Variants in RSPO3 observed in about 807,000 individuals in gnomAD.
RSPO3 encodes the protein R-spondin 3.
RSPO3 carries 17 observed loss-of-function variants against 36.5 expected under a neutral mutation model. That is an observed-to-expected ratio of 0.47 (90% CI 0.32 to 0.70). The LOEUF (loss-of-function observed/expected upper bound fraction) is 0.70, where lower values mean the gene tolerates loss of function less well. RSPO3 is among the 30% of genes least tolerant of loss of function. The pLI is 0.04. For missense variants in RSPO3, 294 were observed against 322.5 expected (o/e 0.91, Z 0.68); for synonymous variants, 108 against 107.0 (o/e 1.01, Z -0.06).
At chr6:127,176,691 T>C (rs1251359432) in intron 4 of RSPO3, among the ~76,000 whole-genome samples, 1 of 151,724 alleles carries the variant, frequency 6.6e-6, no homozygotes, top group Non-Finnish European at 1.5e-5. Flanking sequence ...GTTTGAACAA[T>C]GAAAAAGCTC....
chr6:127,171,214 C>T (rs540722658), intron 4 of RSPO3, among the ~76,000 whole-genome samples: 17 of 151,824 alleles, frequency 1.1e-4, no homozygotes, highest in African/African-American at 3.9e-4. Context: ...ATTTGACATT[C>T]CTGTGGACTT....
chr6:127,156,104 A>AG, intron 4 of RSPO3, among the ~76,000 whole-genome samples: 1 of 152,226 alleles, frequency 6.6e-6, no homozygotes, highest in East Asian at 1.9e-4. Flanking sequence ...GAAATGACCA[A>AG]GACCACATTT....
chr6:127,141,591 A>G (rs1774270720), intron 1 of RSPO3, among the ~76,000 whole-genome samples: 1 of 152,200 alleles, frequency 6.6e-6, no homozygotes. Context: ...GTTTCCCCAC[A>G]TAATAATAAT....
intron 4 of RSPO3, among the ~76,000 whole-genome samples, chr6:127,169,835 T>G (rs569272511): frequency 3.2e-4 from 45 of 142,510 alleles, no homozygotes; most frequent in South Asian, 1.9e-3. Context: ...ATACTAACTG[T>G]GCTTACTTGC....
At chr6:127,173,510 T>C (rs1048060322) in intron 4 of RSPO3, among the ~76,000 whole-genome samples, 1 of 151,870 alleles carries the variant, frequency 6.6e-6, no homozygotes, top group Admixed American at 6.6e-5. Context: ...CCAATTCCTA[T>C]AAAATAATAT....
At chr6:127,141,170 G>T (rs1185012171) in intron 1 of RSPO3, among the ~76,000 whole-genome samples, 1 of 152,124 alleles carries the variant, frequency 6.6e-6, no homozygotes, top group Non-Finnish European at 1.5e-5. Context: ...TGAAATTTTT[G>T]TTGAAAACCT....
In RSPO3 at chr6:127,141,663, A is replaced by G. The variant is rs961914553; in HGVS notation, c.98-6985A>G. Among the ~76,000 whole-genome samples, 5 of 152,324 alleles carry G rather than the reference A, an allele frequency of 3.3e-5. No individual in the cohort carries two copies. In the Middle Eastern group the frequency reaches 0.01, roughly 311 times the overall value. ...GAAGACATTCCTCTCTGAGACTCTT[A>G]GGAATTCTGTCAACCTCTGGTGTAG... On this transcript the variant is annotated intron_variant, in intron 1 of 4. Transcript: ENST00000356698.
At chr6:127,195,233 AT>A (rs964973576) in intron 4 of RSPO3, among the ~76,000 whole-genome samples, 2 of 152,186 alleles carry the variant, frequency 1.3e-5, no homozygotes, top group Non-Finnish European at 2.9e-5. Flanking sequence ...CAGTGGCGCT[AT>A]CAGGGCTCAC....
intron 4 of RSPO3, among the ~76,000 whole-genome samples, chr6:127,173,657 C>T (rs1774987958): frequency 6.6e-6 from 1 of 151,866 alleles, no homozygotes; most frequent in Non-Finnish European, 1.5e-5. Context: ...AAACTTCCCA[C>T]CCCAGGAGGC....
At chr6:127,140,903 C>T (rs1199979366) in intron 1 of RSPO3, among the ~76,000 whole-genome samples, 4 of 152,136 alleles carry the variant, frequency 2.6e-5, no homozygotes, top group Admixed American at 6.5e-5. Flanking sequence ...TACATAATGA[C>T]TCCTCCTTAT....
chr6:127,119,403 G>C (rs1773788735), intron 1 of RSPO3, 114 bp downstream of exon 1: 2 of 760,490 alleles, frequency 2.6e-6, no homozygotes, highest in Non-Finnish European at 4.5e-6. Context: ...CCTGCGCCTC[G>C]CAGAGGAGAT....
chr6:127,155,597 TG>T (rs1409581220), intron 4 of RSPO3, among the ~76,000 whole-genome samples, 159 bp downstream of exon 4: 1 of 152,136 alleles, frequency 6.6e-6, no homozygotes. Flanking sequence ...AGAATATAGA[TG>T]TGGTAATTCC....
At chr6:127,134,855 C>T (rs1774122439) in intron 1 of RSPO3, among the ~76,000 whole-genome samples, 1 of 152,090 alleles carries the variant, frequency 6.6e-6, no homozygotes, top group Admixed American at 6.5e-5. Context: ...ATGACATAGT[C>T]AGAGATGGTA....
chr6:127,174,886 T>A (rs1775018785), intron 4 of RSPO3, among the ~76,000 whole-genome samples: 1 of 151,762 alleles, frequency 6.6e-6, no homozygotes, highest in South Asian at 2.1e-4. Flanking sequence ...AGAAAGAGTG[T>A]TTAGGTTGAT....
chr6:127,120,703 A>G (rs934140987), intron 1 of RSPO3, among the ~76,000 whole-genome samples: 4 of 152,146 alleles, frequency 2.6e-5, no homozygotes, highest in African/African-American at 9.7e-5. Flanking sequence ...GGTTTGATTC[A>G]CCTGAAAATT....
intron 4 of RSPO3, among the ~76,000 whole-genome samples, chr6:127,176,856 C>CT (rs772449178): frequency 2.6e-5 from 4 of 151,826 alleles, no homozygotes; most frequent in Admixed American, 1.3e-4. Flanking sequence ...GAAGCTGAAT[C>CT]TTTATACCCT....
chr6:127,173,023 GTTCA>G lies in RSPO3; in HGVS notation c.634+17586_634+17589del, dbSNP rs139290598. 2.0e-3 allele frequency among the ~76,000 whole-genome samples: 303 copies of G among 151,808 alleles called. 1 individual carries two copies. Among genetic ancestry groups the G allele is most frequent in the African/African-American group, 6.9e-3 (287 of 41,464 alleles). ...GTCTTTTTCAACACTTTTGCCCTGT[GTTCA>G]AGAGGATCATTTATTTCTAATCATC... On this transcript the variant is annotated intron_variant, in intron 4 of 4. Transcript: ENST00000356698.
rs1190934164 is a variant in RSPO3 at position 127,119,139 on chromosome 6, T to A, written c.-54T>A. On this transcript the variant is annotated 5_prime_UTR_variant, in exon 1 of 5. Transcript: ENST00000356698. ...ACATATATTTTAAAAACATTAAATA[T>A]AATTAACAATCAAAAGAAAGAGGAG... 1 of 1,328,080 alleles carries A rather than the reference T, an allele frequency of 7.5e-7. No homozygotes were observed. Among genetic ancestry groups the A allele is most frequent in the Non-Finnish European group, 1.1e-6 (1 of 928,546 alleles). 82.3% of individuals were successfully genotyped at this position (1,328,080 alleles called of 1,614,324 possible). A position where few individuals can be genotyped will look rare whatever the true frequency, so the allele number is the denominator to read the frequency against.
chr6:127,120,693 G>A (rs1773826300), intron 1 of RSPO3, among the ~76,000 whole-genome samples: 1 of 152,260 alleles, frequency 6.6e-6, no homozygotes, highest in Non-Finnish European at 1.5e-5. Context: ...GGCCAGACAA[G>A]GTTTGATTCA....
Sources: gnomAD v4.1 joint callset for allele counts (sites outside exome capture counted in the v4.1 genomes callset) on GRCh38, gnomAD v4.1.1 for gene constraint, MANE v1.5 for transcripts, NCBI Gene and HGNC (gene_info 2026-07-23, HGNC 2026-07-21) for gene names.